Variants in UTY observed in about 807,000 individuals in gnomAD.
The protein encoded by UTY is histone demethylase UTY.
A neutral mutation model predicts 32.5 loss-of-function variants in UTY; 12 were observed. The observed-to-expected ratio is 0.37, with a 90% CI of 0.24 to 0.60. The LOEUF is 0.60. UTY is among the 20% of genes least tolerant of loss of function. UTY has a pLI of 0.69. For missense variants in UTY, 303 were observed against 299.2 expected (o/e 1.01, Z -0.09); for synonymous variants, 131 against 103.4 (o/e 1.27, Z -1.62).
At chrY:13,449,881 C>T (rs909465643) in intron 3 of UTY, among the ~76,000 whole-genome samples, 5 of 33,522 alleles carry the variant, frequency 1.5e-4, no homozygotes, top group Non-Finnish European at 3.7e-4. Context: ...TTGTTATATG[C>T]GGAGGATTCT....
intron 17 of UTY, among the ~76,000 whole-genome samples, chrY:13,338,348 T>C (rs2061266044): frequency 3.6e-5 from 1 of 27,655 alleles, no homozygotes; most frequent in Non-Finnish European, 8.3e-5. Context: ...CTGTCTCTAA[T>C]AAAAATACAA....
chrY:13,281,413 C>A (rs2057005886), intron 27 of UTY, among the ~76,000 whole-genome samples: 1 of 33,111 alleles, frequency 3.0e-5, no homozygotes, highest in Non-Finnish European at 7.4e-5. Flanking sequence ...AGGAGTAATT[C>A]CTTTTCCATA....
intron 4 of UTY, among the ~76,000 whole-genome samples, chrY:13,434,928 T>G: frequency 3.0e-5 from 1 of 33,756 alleles, no homozygotes. Flanking sequence ...CAAATGAACA[T>G]AAAAAATTAC....
At chrY:13,247,730 T>C (rs988514368), downstream of UTY, among the ~76,000 whole-genome samples, 2 of 33,084 alleles carry the variant, frequency 6.0e-5, no homozygotes, top group East Asian at 1.6e-3. Context: ...CAAACAACAA[T>C]AACAAAAGAA....
chrY:13,409,276 A>T, intron 6 of UTY, among the ~76,000 whole-genome samples: 1 of 33,674 alleles, frequency 3.0e-5, no homozygotes, highest in African/African-American at 1.2e-4. Context: ...AAAGACTGAA[A>T]AATTCTATTC....
chrY:13,428,296 A>C (rs2073588197), intron 4 of UTY, among the ~76,000 whole-genome samples: 1 of 33,234 alleles, frequency 3.0e-5, no homozygotes, highest in African/African-American at 1.2e-4. Flanking sequence ...GTTTGTCCTA[A>C]GTTTTCTTCT....
At chrY:13,320,866 T>C (rs994404432) in intron 21 of UTY, among the ~76,000 whole-genome samples, 3 of 33,261 alleles carry the variant, frequency 9.0e-5, no homozygotes, top group Admixed American at 8.3e-4. Flanking sequence ...ACTTATGGAG[T>C]CAATAAAATT....
chrY:13,308,522 GGGA>G (rs2058828873), intron 21 of UTY, among the ~76,000 whole-genome samples: 2 of 32,313 alleles, frequency 6.2e-5, no homozygotes, highest in African/African-American at 1.2e-4. Flanking sequence ...AGGAAGCTGA[GGGA>G]GGAGAATTGC....
Position 13,323,756 on chromosome Y carries a change from A to G in UTY, c.3075T>C (p.Leu1025=), listed in dbSNP as rs1307529576. 2.6e-6 allele frequency: 1 copy of G among 377,897 alleles called. No individual in the cohort carries two copies. Among genetic ancestry groups the G allele is most frequent in the Non-Finnish European group, 3.8e-6 (1 of 266,148 alleles). The allele number at this position is 377,897 out of a possible 400,897, so 94.3% of individuals were successfully genotyped here. A position where few individuals can be genotyped will look rare whatever the true frequency, so the allele number is the denominator to read the frequency against. The change falls in exon 21 of 30, where the codon CTT becomes CTC. Residue 1025 remains leucine, a synonymous_variant. Coordinates refer to ENST00000545955, the MANE Select transcript of UTY (RefSeq NM_001258249.2). ...RGLAGALKLD[L]GLFSTKTLVE... ...CCAAAGTTTTGGTAGAGAAAAGTCC[A>G]AGATCTTTAAAAATAATAAGTTTTG...
downstream of UTY, among the ~76,000 whole-genome samples, chrY:13,243,877 A>AG (rs2053927537): frequency 7.9e-4 from 26 of 33,061 alleles, no homozygotes; most frequent in East Asian, 0.021. Flanking sequence ...GGCACAATCA[A>AG]GGATCACTGC....
At chrY:13,425,916 G>T in intron 4 of UTY, among the ~76,000 whole-genome samples, 1 of 33,589 alleles carries the variant, frequency 3.0e-5, no homozygotes, top group Admixed American at 2.7e-4. Context: ...AAAACTGGAA[G>T]AGGAGGCTAT....
chrY:13,338,788 C>T (rs2061304464), intron 17 of UTY, among the ~76,000 whole-genome samples: 1 of 33,165 alleles, frequency 3.0e-5, no homozygotes, highest in Non-Finnish European at 7.4e-5. Flanking sequence ...CCCCACCTCA[C>T]GCTCAAGTTA....
intron 21 of UTY, among the ~76,000 whole-genome samples, chrY:13,317,505 C>A (rs2059566393): frequency 3.0e-5 from 1 of 33,365 alleles, no homozygotes; most frequent in Non-Finnish European, 7.4e-5. Flanking sequence ...GTTAGTTTGG[C>A]CTACACCCCA....
chrY:13,290,004 TA>T (rs1168209529), intron 27 of UTY, among the ~76,000 whole-genome samples: 2 of 29,019 alleles, frequency 6.9e-5, no homozygotes, highest in African/African-American at 1.4e-4. Context: ...AAAAAATAAA[TA>T]AAAAAAACAA....
At chrY:13,338,712 A>G in intron 17 of UTY, among the ~76,000 whole-genome samples, 6 of 32,798 alleles carry the variant, frequency 1.8e-4, no homozygotes, top group African/African-American at 3.6e-4. Flanking sequence ...GAAGGAATCA[A>G]CTATAACCTA....
At chrY:13,280,109 T>G in intron 27 of UTY, among the ~76,000 whole-genome samples, 1 of 33,856 alleles carries the variant, frequency 3.0e-5, no homozygotes, top group Non-Finnish European at 7.3e-5. Flanking sequence ...AAAGAGGAGA[T>G]AGAGGCCAGG....
At chrY:13,468,522 A>AT (rs2078128368) in intron 3 of UTY, among the ~76,000 whole-genome samples, 1 of 30,489 alleles carries the variant, frequency 3.3e-5, no homozygotes, top group Non-Finnish European at 7.9e-5. Flanking sequence ...AAAAATATAT[A>AT]AAAAAAAATT....
chrY:13,330,340 A>G, intron 18 of UTY, among the ~76,000 whole-genome samples: 2 of 31,918 alleles, frequency 6.3e-5, no homozygotes, highest in Non-Finnish European at 1.5e-4. Context: ...AGTTTATCTC[A>G]CTGGGACTGG....
chrY:13,410,779 C>T (rs201306352), intron 6 of UTY, among the ~76,000 whole-genome samples: 2 of 33,564 alleles, frequency 6.0e-5, no homozygotes, highest in Admixed American at 2.7e-4. Flanking sequence ...CTTTAAGGTG[C>T]CAAAATTATC....
Sources: allele counts gnomAD v4.1 joint callset (sites outside exome capture counted in the v4.1 genomes callset), GRCh38; gene constraint gnomAD v4.1.1; transcripts MANE v1.5; gene names NCBI Gene and HGNC (gene_info 2026-07-23, HGNC 2026-07-21).